The following MAPK14 variants were observed in gnomAD, a reference collection of about 807,000 sequenced individuals.
MAPK14 encodes CSAID-binding protein.
In MAPK14, 16 loss-of-function variants were observed where a neutral mutation model predicts 49.6. That is an observed-to-expected ratio of 0.32 (90% CI 0.22 to 0.49). The LOEUF (loss-of-function observed/expected upper bound fraction) is 0.49, where lower values mean the gene tolerates loss of function less well. MAPK14 is among the 20% of genes least tolerant of loss of function. MAPK14 has a pLI of 0.99. For missense variants in MAPK14, 200 were observed against 441.2 expected (o/e 0.45, Z 4.90); for synonymous variants, 142 against 158.0 (o/e 0.90, Z 0.76).
chr6:36,028,136 G>A lies in MAPK14; in HGVS notation c.-22G>A, dbSNP rs1762381227. 6.3e-7 allele frequency: 1 copy of A among 1,578,728 alleles called. No homozygotes were observed. The highest frequency in any genetic ancestry group is 1.7e-5 in the Admixed American group (1 of 59,558). On this transcript the variant is annotated 5_prime_UTR_variant, in exon 1 of 12. Coordinates refer to ENST00000229794, the MANE Select transcript of MAPK14 (RefSeq NM_139012.3). The surrounding 1 kb of genome is among the most constrained non-coding windows in gnomAD (Gnocchi z 5.1). ...GGGGGCCCCACAGGGCCACCTTCTT[G>A]CCCGGCGGCTGCCGCTGGAAAATGT...
At chr6:36,044,678 C>A (rs1171191535) in intron 1 of MAPK14, among the ~76,000 whole-genome samples, 2 of 151,652 alleles carry the variant, frequency 1.3e-5, no homozygotes, top group Non-Finnish European at 2.9e-5. Flanking sequence ...AGTTCGAGAC[C>A]AGCCTGGGCA....
Position 36,052,722 on chromosome 6 carries a change from G to A in MAPK14, c.140G>A (p.Gly47Glu), listed in dbSNP as rs202184006. 8 of 1,609,396 alleles carry A rather than the reference G, an allele frequency of 5.0e-6. No homozygotes were observed. The highest frequency in any genetic ancestry group is 6.8e-6 in the Non-Finnish European group (8 of 1,177,864). ...SVCAAFDTKT[G>E]LRVAVKKLSR... ...AGTGCTGCTTTTGACACAAAAACGG[G>A]GTTACGTGTGGCAGTGAAGAAGCTC... The change falls in exon 2 of 12, where the codon GGG becomes GAG. Residue 47 changes from glycine to glutamate, a missense_variant. Physicochemically the swap from Gly to Glu is moderately conservative, Grantham distance 98. Coordinates refer to ENST00000229794, the MANE Select transcript of MAPK14 (RefSeq NM_139012.3).
At chr6:36,119,216 C>A in the MAPK14 span, among the ~76,000 whole-genome samples, 2 of 152,202 alleles carry the variant, frequency 1.3e-5, no homozygotes, top group Non-Finnish European at 2.9e-5. Context: ...CCTCCTTCAG[C>A]CACAATCATT....
At chr6:36,065,516 G>GTGTGTGTGTGTGTGTA (rs1764017256) in intron 3 of MAPK14, among the ~76,000 whole-genome samples, 1 of 149,610 alleles carries the variant, frequency 6.7e-6, no homozygotes, top group East Asian at 2.0e-4. Flanking sequence ...AGGTGTGTGT[G>GTGTGTGTGTGTGTGTA]TGTGTGTGTG....
intron 1 of MAPK14, among the ~76,000 whole-genome samples, chr6:36,051,930 A>T (rs1763415368): frequency 6.6e-6 from 1 of 151,996 alleles, no homozygotes; most frequent in South Asian, 2.1e-4. Context: ...TTATATATTT[A>T]TATAGGGAAT....
At chr6:36,029,920 A>G (rs746649016) in intron 1 of MAPK14, among the ~76,000 whole-genome samples, 1 of 151,380 alleles carries the variant, frequency 6.6e-6, no homozygotes, top group Non-Finnish European at 1.5e-5. Flanking sequence ...CAGTATATAC[A>G]TATTATATAG....
At chr6:36,049,216 G>C (rs1763301905) in intron 1 of MAPK14, among the ~76,000 whole-genome samples, 1 of 152,216 alleles carries the variant, frequency 6.6e-6, no homozygotes, top group Non-Finnish European at 1.5e-5. Flanking sequence ...CAGTTGTGTA[G>C]ATGTGTGCTT....
In MAPK14 at chr6:36,079,712, G is replaced by A. The variant is rs373731417; in HGVS notation, c.682+3104G>A. ...TGGAATTGGTGGTTTGGGCTTGTAAGTAAGAACTGTGTACTAGAACTTTTG... is the reference window on the plus strand; with the variant it reads ...TGGAATTGGTGGTTTGGGCTTGTAAATAAGAACTGTGTACTAGAACTTTTG... On this transcript the variant is annotated intron_variant, in intron 8 of 11. Coordinates refer to ENST00000229794, the MANE Select transcript of MAPK14 (RefSeq NM_139012.3). 1.3e-4 allele frequency among the ~76,000 whole-genome samples: 20 copies of A among 152,260 alleles called. No individual in the cohort carries two copies. In the East Asian group the frequency reaches 2.5e-3, roughly 19 times the overall value.
At chr6:36,059,212 A>G in intron 2 of MAPK14, 77 bp from the exon 3 acceptor site, 3 of 932,056 alleles carry the variant, frequency 3.2e-6, no homozygotes, top group Non-Finnish European at 4.9e-6. Context: ...CTTTAAAAAA[A>G]AAGAAGATTA....
intron 8 of MAPK14, among the ~76,000 whole-genome samples, chr6:36,083,743 C>T (rs771042015): frequency 3.3e-5 from 5 of 152,230 alleles, no homozygotes; most frequent in African/African-American, 4.8e-5. Flanking sequence ...TGGCCACAGT[C>T]TCCACAGATC....
intron 3 of MAPK14, among the ~76,000 whole-genome samples, chr6:36,071,002 C>T (rs951994574): frequency 1.3e-5 from 2 of 152,066 alleles, no homozygotes; most frequent in African/African-American, 4.8e-5. Flanking sequence ...AGGAATGATT[C>T]TTAGACAGTA....
chr6:36,084,426 C>T (rs1275581202), intron 8 of MAPK14, among the ~76,000 whole-genome samples: 1 of 152,060 alleles, frequency 6.6e-6, no homozygotes, highest in Admixed American at 6.5e-5. Context: ...TGTTCTAACC[C>T]AATGCAAAGA....
At chr6:36,066,156 C>G (rs985223486) in intron 3 of MAPK14, among the ~76,000 whole-genome samples, 2 of 152,032 alleles carry the variant, frequency 1.3e-5, no homozygotes, top group Admixed American at 6.6e-5. Context: ...ATGGTATTAT[C>G]TCTAATTTTC....
intron 1 of MAPK14, among the ~76,000 whole-genome samples, chr6:36,033,648 G>A (rs1472584371): frequency 1.3e-5 from 2 of 152,084 alleles, no homozygotes; most frequent in Non-Finnish European, 2.9e-5. Context: ...AGCTTATCCT[G>A]GATCTCCAGG....
chr6:36,053,035 A>G (rs926795478), intron 2 of MAPK14, among the ~76,000 whole-genome samples: 1 of 152,020 alleles, frequency 6.6e-6, no homozygotes, highest in Non-Finnish European at 1.5e-5. Context: ...GTTTTACTCA[A>G]AGATTTTTAG....
chr6:36,117,376 G>A, the MAPK14 span, among the ~76,000 whole-genome samples: 11 of 152,302 alleles, frequency 7.2e-5, no homozygotes, highest in South Asian at 4.1e-4. Context: ...GTCTTTGTGC[G>A]TGATAGTCCC....
At chr6:36,072,679 G>A (rs557220267) in intron 3 of MAPK14, among the ~76,000 whole-genome samples, 194 bp from the exon 4 acceptor site, 1 of 151,976 alleles carries the variant, frequency 6.6e-6, no homozygotes, top group Non-Finnish European at 1.5e-5. Context: ...GCAGGAGAAT[G>A]GCGTGAACCT....
chr6:36,106,657 A>G (rs1169218599), intron 10 of MAPK14, among the ~76,000 whole-genome samples: 1 of 152,234 alleles, frequency 6.6e-6, no homozygotes, highest in Non-Finnish European at 1.5e-5. Context: ...AGAAAAAAAT[A>G]CATATAAATA....
downstream of MAPK14, among the ~76,000 whole-genome samples, chr6:36,113,287 A>AGTCATGG (rs1372670382): frequency 2.2e-5 from 3 of 133,712 alleles, no homozygotes; most frequent in Non-Finnish European, 4.7e-5. Context: ...GGCTGCAGTG[A>AGTCATGG]GTCATGGTTG....
Sources: gnomAD v4.1 joint callset for allele counts (sites outside exome capture counted in the v4.1 genomes callset) on GRCh38, gnomAD v4.1.1 for gene constraint, Gnocchi (gnomAD v3.1) non-coding constraint, MANE v1.5 for transcripts, NCBI Gene and HGNC (gene_info 2026-07-23, HGNC 2026-07-21) for gene names.